SLC7A10: variants seen among roughly 807,000 people sequenced by gnomAD.
The protein encoded by SLC7A10 is solute carrier family 7 member 10.
In SLC7A10, 30 loss-of-function variants were observed where a neutral mutation model predicts 52.7. The ratio of observed to expected loss-of-function variants is 0.57; its 90% confidence interval spans 0.43 to 0.77. SLC7A10 has a LOEUF of 0.77. Ranked by LOEUF, SLC7A10 falls within the 30% of genes least tolerant of loss-of-function variation. The pLI, the probability that SLC7A10 is intolerant of heterozygous loss-of-function variation, is 0.00. For synonymous variants in SLC7A10, 318 were observed against 314.9 expected, an observed-to-expected ratio of 1.01 and a Z score of -0.10; for missense variants, 581 against 698.5, an observed-to-expected ratio of 0.83 and a Z score of 1.90.
rs776068622 is a variant in SLC7A10, at chr19:33,209,027, G to A, written c.1442-6C>T. The A allele has an allele frequency of 7.4e-6, 12 of 1,613,470 alleles. No homozygotes were observed. The highest frequency in any genetic ancestry group is 5.5e-5 in the South Asian group (5 of 91,046). On this transcript the variant is annotated splice_polypyrimidine_tract_variant and splice_region_variant and intron_variant, in intron 10 of 10. Coordinates refer to ENST00000253188, the MANE Select transcript of SLC7A10 (RefSeq NM_019849.3). ...GCCCCAGTGTGTCATGGACTCTGAG[G>A]ACAGACAGATGGACCTTGGGGCCTG... is the stretch of plus-strand genomic sequence containing the variant.
intron 1 of SLC7A10, among the ~76,000 whole-genome samples, chr19:33,222,464 TAAATAAAATAAAATA>T (rs1162922007): frequency 0.033 from 3,552 of 106,492 alleles, 105 homozygotes; most frequent in African/African-American, 0.12. Context: ...TAAAATAAAA[TAAATAAAATAAAATA>T]AAATAAAATA....
intron 10 of SLC7A10, 44 bp from the exon 11 acceptor site, chr19:33,209,065 A>G (rs1974476965): frequency 1.9e-6 from 3 of 1,611,050 alleles, no homozygotes; most frequent in African/African-American, 2.7e-5. Context: ...CTCTCGGGAT[A>G]GGGGTGACCC....
chr19:33,223,188 A>G (rs974931136), intron 1 of SLC7A10, among the ~76,000 whole-genome samples: 2 of 151,998 alleles, frequency 1.3e-5, no homozygotes, highest in African/African-American at 4.8e-5. Context: ...TGTGCCTGTA[A>G]TCCTAGCTAC....
At chr19:33,221,627 C>T (rs1974813425) in intron 1 of SLC7A10, among the ~76,000 whole-genome samples, 1 of 152,182 alleles carries the variant, frequency 6.6e-6, no homozygotes, top group African/African-American at 2.4e-5. Context: ...GAGGTCCACC[C>T]CTCTGGGAAG....
chr19:33,215,780 C>G lies in SLC7A10; in HGVS notation c.345G>C (p.Gly115=). 1 of 1,557,170 alleles carries G rather than the reference C, an allele frequency of 6.4e-7. No homozygotes were observed. Among genetic ancestry groups the G allele is most frequent in the Non-Finnish European group, 8.7e-7 (1 of 1,150,314 alleles). The stretch of plus-strand genomic sequence containing the variant: ...TGCCCCACACTCACCCAGCCAGGCC[C>G]CCGAAGATCTCTGTGACGTAGGCGT... ...GDYAYVTEIF[G]GLAGFLLLWS... Residue 115 remains glycine, a synonymous_variant, in exon 2 of 11, where the codon GGG becomes GGC. Transcript: ENST00000253188.
In SLC7A10 at chr19:33,210,823, G is replaced by C; in HGVS notation, c.1092C>G (p.Pro364=). The C allele has an allele frequency of 6.2e-7, 1 of 1,613,588 alleles. No individual in the cohort carries two copies. Among genetic ancestry groups the C allele is most frequent in the Non-Finnish European group, 8.5e-7 (1 of 1,180,032 alleles). The change falls in exon 8 of 11, where the codon CCC becomes CCG. Residue 364 remains proline, a synonymous_variant. Transcript: ENST00000253188. The surrounding 1 kb of genome is among the most constrained non-coding windows in gnomAD (Gnocchi z 5.6). The part of the protein sequence containing the change: ...LAMIHVRHCT[P]IPALLVCCGA... ...TTACACAGACGAGGAGGGCGGGGAT[G>C]GGGGTGCAGTGTCTGACGTGGATCA...
In SLC7A10 at chr19:33,208,775, G is replaced by A. The variant is rs1216524923; in HGVS notation, c.*116C>T. The stretch of plus-strand genomic sequence containing the variant: ...GGCTTCCTTAAACAGGCTTCTGAGA[G>A]TCGTATCTTTTTTCTTTTTTTTCCA... On this transcript the variant is annotated 3_prime_UTR_variant, in exon 11 of 11. Coordinates refer to ENST00000253188, the MANE Select transcript of SLC7A10 (RefSeq NM_019849.3). This position sits in a 1 kb window ranked among gnomAD's most constrained non-coding sequence, Gnocchi z 4.7. 5.0e-6 allele frequency: 7 copies of A among 1,403,576 alleles called. No individual in the cohort carries two copies. The East Asian group carries it at 1.4e-4, about 28-fold the overall frequency. The allele number at this position is 1,403,576 out of a possible 1,614,324, so 86.9% of individuals were successfully genotyped here.
chr19:33,210,614 G>C lies in SLC7A10; in HGVS notation c.1116C>G (p.Cys372Trp), dbSNP rs61182747. The stretch of plus-strand genomic sequence containing the variant: ...CGAGCATGATGACGGCTGTGGCCCC[G>C]CACTGGGAGAGGACCTGGGGCTGAC... Reference protein sequence around the residue: ...CTPIPALLVCCGATAVIMLVG... With the variant: ...CTPIPALLVCWGATAVIMLVG... The change falls in exon 9 of 11, where the codon TGC becomes TGG. Residue 372 changes from cysteine to tryptophan, a missense_variant and splice_region_variant. Transcript: ENST00000253188. The surrounding 1 kb of genome is among the most constrained non-coding windows in gnomAD (Gnocchi z 5.6). 1 of 1,611,288 alleles carries C rather than the reference G, an allele frequency of 6.2e-7. No individual in the cohort carries two copies. Among genetic ancestry groups the C allele is most frequent in the South Asian group, 1.1e-5 (1 of 91,088 alleles).
Position 33,215,762 on chromosome 19 carries a change from C to T in SLC7A10, c.356+7G>A, listed in dbSNP as rs1017313366. On this transcript the variant is annotated splice_region_variant and intron_variant, in intron 2 of 10. Coordinates refer to ENST00000253188, the MANE Select transcript of SLC7A10 (RefSeq NM_019849.3). ...TGTCCCCCTGCCCGCTGGTGCCCCA[C>T]ACTCACCCAGCCAGGCCCCCGAAGA... 4 of 1,553,112 alleles carry T rather than the reference C, an allele frequency of 2.6e-6. No individual in the cohort carries two copies. Among genetic ancestry groups the T allele is most frequent in the Admixed American group, 3.9e-5 (2 of 51,214 alleles).
chr19:33,211,627 T>C, intron 5 of SLC7A10, 90 bp from the exon 6 acceptor site: 1 of 1,603,428 alleles, frequency 6.2e-7, no homozygotes, highest in Non-Finnish European at 8.5e-7. Flanking sequence ...ATAGTCTCCA[T>C]CTCTTGTGTC....
intron 1 of SLC7A10, among the ~76,000 whole-genome samples, chr19:33,223,955 CCACCACCA>C (rs1974868642): frequency 6.7e-6 from 1 of 150,022 alleles, no homozygotes. Context: ...ACCACCACCA[CCACCACCA>C]CCACCACCAC....
intron 1 of SLC7A10, among the ~76,000 whole-genome samples, chr19:33,225,318 G>A (rs1974898022): frequency 6.6e-6 from 1 of 152,246 alleles, no homozygotes; most frequent in East Asian, 1.9e-4. Context: ...TCCAGCGGTG[G>A]AGGGGACCCA....
chr19:33,218,501 C>T (rs796238052), intron 1 of SLC7A10, among the ~76,000 whole-genome samples: 12 of 151,604 alleles, frequency 7.9e-5, no homozygotes, highest in Admixed American at 3.9e-4. Flanking sequence ...TCACGCACTC[C>T]GCACACTGGC....
chr19:33,211,030 A>C (rs1974536889), intron 7 of SLC7A10, 132 bp from the exon 8 acceptor site: 3 of 998,482 alleles, frequency 3.0e-6, no homozygotes, highest in African/African-American at 3.2e-5. Flanking sequence ...TCTCCCCCTC[A>C]TCCAGCCTGC....
At position 33,225,525 on chromosome 19, in the gene SLC7A10, G is replaced by A. The variant is rs766057879; in HGVS notation, c.151+28C>T. On this transcript the variant is annotated intron_variant, in intron 1 of 10. Transcript: ENST00000253188. ...TGCGCCCCTCATTCGGCCTCCGCCCGGCGCCCGCCCGCCTGGGTCCCGCTC... is the reference window on the plus strand; with the variant it reads ...TGCGCCCCTCATTCGGCCTCCGCCCAGCGCCCGCCCGCCTGGGTCCCGCTC... 181 of 1,593,938 alleles carry A rather than the reference G, an allele frequency of 1.1e-4. No homozygotes were observed. The East Asian group carries it at 3.9e-3, about 34-fold the overall frequency.
chr19:33,222,085 G>C (rs981171483), intron 1 of SLC7A10, among the ~76,000 whole-genome samples: 3 of 152,122 alleles, frequency 2.0e-5, no homozygotes, highest in African/African-American at 7.2e-5. Flanking sequence ...GCCCCAATTT[G>C]CCCAGCATCA....
chr19:33,213,310 A>G (rs996050645), intron 2 of SLC7A10, among the ~76,000 whole-genome samples: 6 of 148,222 alleles, frequency 4.0e-5, no homozygotes, highest in African/African-American at 1.3e-4. Flanking sequence ...TTTTTTTGAG[A>G]CGGAGTCTTG....
intron 9 of SLC7A10, among the ~76,000 whole-genome samples, chr19:33,209,804 C>T (rs1974501743): frequency 1.3e-5 from 2 of 152,210 alleles, no homozygotes; most frequent in Non-Finnish European, 2.9e-5. Context: ...AGGCACTGAG[C>T]ACTTCTCCAC....
chr19:33,217,418 C>T (rs1257020818), intron 1 of SLC7A10, among the ~76,000 whole-genome samples: 1 of 152,188 alleles, frequency 6.6e-6, no homozygotes, highest in Non-Finnish European at 1.5e-5. Flanking sequence ...GCCCTGAGCT[C>T]CGCAAAGAGG....
Sources: allele counts gnomAD v4.1 joint callset (sites outside exome capture counted in the v4.1 genomes callset), GRCh38; gene constraint gnomAD v4.1.1; non-coding constraint Gnocchi (gnomAD v3.1); transcripts MANE v1.5; gene names NCBI Gene and HGNC (gene_info 2026-07-23, HGNC 2026-07-21).